The following TMEM132D variants were observed in gnomAD, a reference collection of about 807,000 sequenced individuals.
TMEM132D encodes the protein transmembrane protein 132D, also known as mature OL transmembrane protein.
A neutral mutation model predicts 62.3 loss-of-function variants in TMEM132D; 21 were observed. The observed-to-expected ratio is 0.34, with a 90% CI of 0.24 to 0.49. TMEM132D has a LOEUF of 0.49. Among genes scored for constraint, TMEM132D ranks in the 20% least tolerant of loss-of-function variants. The pLI, the probability that TMEM132D is intolerant of heterozygous loss-of-function variation, is 0.99. For missense variants in TMEM132D, 1,346 were observed against 1,402.8 expected (o/e 0.96, Z 0.65); for synonymous variants, 621 against 575.6 (o/e 1.08, Z -1.13).
At chr12:129,217,439 T>C (rs904590793) in intron 4 of TMEM132D, among the ~76,000 whole-genome samples, 18 of 152,152 alleles carry the variant, frequency 1.2e-4, no homozygotes, top group African/African-American at 4.3e-4. Context: ...AGCACCCCAT[T>C]GGAGGAGGTT....
At chr12:129,686,391 T>C (rs1880919219) in intron 2 of TMEM132D, among the ~76,000 whole-genome samples, 1 of 152,172 alleles carries the variant, frequency 6.6e-6, no homozygotes, top group South Asian at 2.1e-4. Context: ...TTTTCCCCTT[T>C]GCTCAGCACT....
chr12:129,544,923 C>T (rs947681482), intron 2 of TMEM132D, among the ~76,000 whole-genome samples: 4 of 152,188 alleles, frequency 2.6e-5, no homozygotes, highest in African/African-American at 9.7e-5. Context: ...AGTCACAACA[C>T]CGCACCAGCG....
chr12:129,083,673 C>T (rs966672532), intron 6 of TMEM132D, among the ~76,000 whole-genome samples: 2 of 152,204 alleles, frequency 1.3e-5, no homozygotes, highest in African/African-American at 4.8e-5. Context: ...AGCCCCAATT[C>T]TCCACCCCCT....
At chr12:129,139,793 T>C (rs1303389943) in intron 5 of TMEM132D, among the ~76,000 whole-genome samples, 1 of 152,112 alleles carries the variant, frequency 6.6e-6, no homozygotes, top group African/African-American at 2.4e-5. Context: ...TTGAGCTCAA[T>C]TAATTCTTCT....
chr12:129,438,975 C>T (rs1872866644), intron 3 of TMEM132D, among the ~76,000 whole-genome samples: 1 of 152,218 alleles, frequency 6.6e-6, no homozygotes, highest in African/African-American at 2.4e-5. Flanking sequence ...TGCAGGATCA[C>T]TTTGGCCATC....
chr12:129,350,085 T>C (rs547798080), intron 3 of TMEM132D, among the ~76,000 whole-genome samples: 49 of 152,338 alleles, frequency 3.2e-4, no homozygotes, highest in African/African-American at 1.1e-3. Context: ...AAGGGAAATC[T>C]GCACCTCAGC....
At chr12:129,447,097 T>C (rs1873120835) in intron 3 of TMEM132D, among the ~76,000 whole-genome samples, 1 of 152,270 alleles carries the variant, frequency 6.6e-6, no homozygotes, top group South Asian at 2.1e-4. Context: ...ACCATCTCTC[T>C]GTCTCTCTCC....
chr12:129,226,519 G>A (rs1291634899), intron 4 of TMEM132D, among the ~76,000 whole-genome samples: 4 of 152,190 alleles, frequency 2.6e-5, no homozygotes, highest in Admixed American at 2.0e-4. Context: ...GTTCTAACCC[G>A]GGGCCTTGGA....
chr12:129,891,348 T>C (rs531264307), intron 1 of TMEM132D, among the ~76,000 whole-genome samples: 1 of 152,266 alleles, frequency 6.6e-6, no homozygotes, highest in Admixed American at 6.5e-5. Context: ...GACCACACTT[T>C]GACCAAAACA....
At chr12:129,399,683 A>C (rs1871557042) in intron 3 of TMEM132D, among the ~76,000 whole-genome samples, 1 of 152,168 alleles carries the variant, frequency 6.6e-6, no homozygotes, top group African/African-American at 2.4e-5. Context: ...GGAATTTGAG[A>C]AAAAGTGGTT....
rs1565956203 is a variant in TMEM132D at position 129,078,521 on chromosome 12, C to T, written c.2115+13G>A. 1 of 1,609,586 alleles carries T rather than the reference C, an allele frequency of 6.2e-7. No individual in the cohort carries two copies. The highest frequency in any genetic ancestry group is 1.1e-5 in the South Asian group (1 of 90,746). ...GGACCCTGCTGAAGTGTGTCTCAAGCCCTCCTCCATACCTGTTTTGGCCTC... is the reference window on the plus strand; with the variant it reads ...GGACCCTGCTGAAGTGTGTCTCAAGTCCTCCTCCATACCTGTTTTGGCCTC... On this transcript the variant is annotated intron_variant, in intron 8 of 8. Transcript: ENST00000422113.
chr12:129,544,351 A>C (rs1219437812), intron 2 of TMEM132D, among the ~76,000 whole-genome samples: 1 of 152,252 alleles, frequency 6.6e-6, no homozygotes, highest in Non-Finnish European at 1.5e-5. Flanking sequence ...TTGTTTTAGC[A>C]TGAAATAAAG....
chr12:129,736,965 G>A (rs1410328290), intron 1 of TMEM132D, among the ~76,000 whole-genome samples: 1 of 152,072 alleles, frequency 6.6e-6, no homozygotes, highest in Non-Finnish European at 1.5e-5. Context: ...TTACAGGCAT[G>A]TGCCACCAAC....
chr12:129,132,895 C>T (rs1313222588), intron 5 of TMEM132D, among the ~76,000 whole-genome samples: 1 of 152,114 alleles, frequency 6.6e-6, no homozygotes, highest in Non-Finnish European at 1.5e-5. Context: ...GAGCTTGCTG[C>T]AGAGAGGGTA....
rs755320363 is a variant in TMEM132D, at chr12:129,074,027, A to G, written c.3148T>C (p.Phe1050Leu). ...TCGTCGTCTGAGGAGACGGCGGTGA[A>G]GGTGGTAAATTTTACCCTTTTCCTT... ...SKRKRVKFTTFTAVSSDDEYP... is the reference protein window; with the variant it reads ...SKRKRVKFTTLTAVSSDDEYP... Residue 1050 changes from phenylalanine to leucine, a missense_variant, in exon 9 of 9, where the codon TTC becomes CTC. Transcript: ENST00000422113. 1 of 1,614,000 alleles carries G rather than the reference A, an allele frequency of 6.2e-7. No individual in the cohort carries two copies. Among genetic ancestry groups the G allele is most frequent in the Non-Finnish European group, 8.5e-7 (1 of 1,179,940 alleles).
At chr12:129,275,681 T>A (rs866645438) in intron 4 of TMEM132D, among the ~76,000 whole-genome samples, 1 of 152,208 alleles carries the variant, frequency 6.6e-6, no homozygotes, top group Non-Finnish European at 1.5e-5. Context: ...AGCAATCACT[T>A]TCTGGCTTCT....
chr12:129,284,971 A>G (rs1246480004), intron 4 of TMEM132D, among the ~76,000 whole-genome samples: 1 of 152,234 alleles, frequency 6.6e-6, no homozygotes, highest in Non-Finnish European at 1.5e-5. Flanking sequence ...AGTGATGGAC[A>G]CGCTTTGGAG....
At chr12:129,498,943 T>C (rs772597707) in intron 3 of TMEM132D, among the ~76,000 whole-genome samples, 10 of 152,172 alleles carry the variant, frequency 6.6e-5, no homozygotes, top group Non-Finnish European at 1.3e-4. Context: ...ATCACTTCAT[T>C]TCTCTCTTTC....
rs2135599876 is a variant in TMEM132D, at chr12:129,071,896, T to C, written c.*1979A>G. 6.6e-6 allele frequency: 1 copy of C among 152,282 alleles called. No homozygotes were observed. Among genetic ancestry groups the C allele is most frequent in the East Asian group, 1.9e-4 (1 of 5,186 alleles). 9.4% of individuals were successfully genotyped at this position (152,282 alleles called of 1,614,324 possible). On this transcript the variant is annotated 3_prime_UTR_variant, in exon 9 of 9. Transcript: ENST00000422113. ...ATGGAAAGAAATATGAGGACGTTAC[T>C]GAAAGCAAAGGATTCTCATTGAAAA...
Sources: allele counts gnomAD v4.1 joint callset (sites outside exome capture counted in the v4.1 genomes callset), GRCh38; gene constraint gnomAD v4.1.1; transcripts MANE v1.5; gene names NCBI Gene and HGNC (gene_info 2026-07-23, HGNC 2026-07-21).